Variants in MYBL2 observed in about 807,000 individuals in gnomAD.
MYBL2 encodes the protein MYB proto-oncogene like 2.
Under a neutral mutation model 79.9 loss-of-function variants are expected in MYBL2, and 28 were observed. The ratio of observed to expected loss-of-function variants is 0.35; its 90% CI spans 0.26 to 0.48. MYBL2 has a LOEUF of 0.48. Among genes scored for constraint, MYBL2 ranks in the 20% least tolerant of loss-of-function variants. The pLI, the probability that MYBL2 is intolerant of heterozygous loss-of-function variation, is 0.99. For synonymous variants in MYBL2, 378 were observed against 361.2 expected (o/e 1.05, Z -0.53); for missense variants, 735 against 893.9 (o/e 0.82, Z 2.27).
chr20:43,681,660 A>T (rs1987145470), intron 2 of MYBL2, 124 bp from the exon 3 acceptor site: 1 of 958,274 alleles, frequency 1.0e-6, no homozygotes, highest in Non-Finnish European at 1.7e-6. Context: ...GGCACCTTGT[A>T]CGTATTCACT....
At chr20:43,709,923 C>T (rs1344628260) in intron 9 of MYBL2, 40 bp from the exon 10 acceptor site, 2 of 1,528,778 alleles carry the variant, frequency 1.3e-6, no homozygotes, top group South Asian at 2.4e-5. Flanking sequence ...GGCGTCGGCC[C>T]CTATCCTGTC....
At chr20:43,713,901 T>A (rs1017090580) in intron 12 of MYBL2, among the ~76,000 whole-genome samples, 3 of 152,160 alleles carry the variant, frequency 2.0e-5, no homozygotes, top group Non-Finnish European at 4.4e-5. Flanking sequence ...TGGCTTGCCC[T>A]GGCTCAGAGT....
At chr20:43,683,396 G>T (rs1429568974) in intron 4 of MYBL2, among the ~76,000 whole-genome samples, 1 of 152,062 alleles carries the variant, frequency 6.6e-6, no homozygotes, top group African/African-American at 2.4e-5. Flanking sequence ...AGAGGTTGGG[G>T]ATGTCCCCAA....
In MYBL2 at chr20:43,705,591, C is replaced by G. The variant is rs543188211; in HGVS notation, c.1505+233C>G. Among the ~76,000 whole-genome samples, 3 of 152,270 alleles carry G rather than the reference C, an allele frequency of 2.0e-5. No homozygotes were observed. In the South Asian group the frequency reaches 6.2e-4, roughly 32 times the overall value. ...TTGTATTTTTTAATTTGATAGTTTCCTTTTTTGTGATCCTCCTGCCTCAGC... is the reference window on the plus strand; with the variant it reads ...TTGTATTTTTTAATTTGATAGTTTCGTTTTTTGTGATCCTCCTGCCTCAGC... On this transcript the variant is annotated intron_variant, in intron 9 of 13. Transcript: ENST00000217026.
Position 43,667,298 on chromosome 20 carries a change from G to A in MYBL2, c.15G>A (p.Thr5=), listed in dbSNP as rs1170906781. MSRR[T]RCEDLDELHY... ...GGGCCGGGGGGATGTCTCGGCGGAC[G>A]CGCTGGTGAGACGAGCCGGGAGGGC... Residue 5 remains threonine (T), a synonymous_variant, in exon 1 of 14, where the codon ACG becomes ACA. Coordinates refer to ENST00000217026, the MANE Select transcript of MYBL2 (RefSeq NM_002466.4). 6.5e-6 allele frequency: 8 copies of A among 1,228,926 alleles called. No homozygotes were observed. Among genetic ancestry groups the A allele is most frequent in the Non-Finnish European group, 4.1e-6 (4 of 985,390 alleles). 76.1% of individuals were successfully genotyped at this position (1,228,926 alleles called of 1,614,324 possible).
chr20:43,715,807 C>A, intron 13 of MYBL2, 152 bp from the exon 14 acceptor site: 1 of 1,140,886 alleles, frequency 8.8e-7, no homozygotes, highest in Non-Finnish European at 1.2e-6. Flanking sequence ...GTGACTTGTC[C>A]AGGGTCACAG....
In MYBL2 at chr20:43,702,480, C is replaced by G; in HGVS notation, c.952-10C>G. 1 of 1,586,296 alleles carries G rather than the reference C, an allele frequency of 6.3e-7. No individual in the cohort carries two copies. The highest frequency in any genetic ancestry group is 8.6e-7 in the Non-Finnish European group (1 of 1,160,150). Reference sequence around the variant, plus strand: ...AGTAATTGCAATTCCTAACCTCCCTCCCTGGACAGGACCCTGATGCTTGGT... The same window carrying G: ...AGTAATTGCAATTCCTAACCTCCCTGCCTGGACAGGACCCTGATGCTTGGT... On this transcript the variant is annotated splice_polypyrimidine_tract_variant and intron_variant, in intron 7 of 13. Coordinates refer to ENST00000217026, the MANE Select transcript of MYBL2 (RefSeq NM_002466.4).
chr20:43,712,889 C>G, intron 11 of MYBL2, 113 bp from the exon 12 acceptor site: 1 of 790,134 alleles, frequency 1.3e-6, no homozygotes, highest in Admixed American at 2.2e-5. Flanking sequence ...TGCTCCAAGT[C>G]TGCACTGCAG....
At chr20:43,710,992 C>T (rs1045131661) in intron 10 of MYBL2, among the ~76,000 whole-genome samples, 2 of 152,164 alleles carry the variant, frequency 1.3e-5, no homozygotes, top group African/African-American at 4.8e-5. Context: ...GCACCTTTCA[C>T]TCTTAGTAGC....
intron 10 of MYBL2, among the ~76,000 whole-genome samples, 199 bp downstream of exon 10, chr20:43,710,261 G>C (rs1987876185): frequency 6.6e-6 from 1 of 152,216 alleles, no homozygotes; most frequent in South Asian, 2.1e-4. Flanking sequence ...CTGAGCACCT[G>C]AGTTTGCAAG....
intron 11 of MYBL2, 89 bp downstream of exon 11, chr20:43,711,690 A>G: frequency 8.3e-7 from 1 of 1,206,004 alleles, no homozygotes; most frequent in Non-Finnish European, 1.2e-6. Flanking sequence ...GTAGAAAGTG[A>G]GGCGCTGGGG....
chr20:43,667,778 T>A (rs576407627), intron 1 of MYBL2, among the ~76,000 whole-genome samples: 1 of 152,252 alleles, frequency 6.6e-6, no homozygotes, highest in East Asian at 1.9e-4. Context: ...GCTTTGCTCC[T>A]TAACATTCCG....
chr20:43,711,852 A>C (rs563178884), intron 11 of MYBL2, among the ~76,000 whole-genome samples: 3 of 152,122 alleles, frequency 2.0e-5, no homozygotes, highest in African/African-American at 7.2e-5. Context: ...ACCCTGCTCA[A>C]GTTGGGCTGG....
Position 43,687,073 on chromosome 20 carries a change from G to A in MYBL2, c.500+1G>A. On this transcript the variant is annotated splice_donor_variant, in intron 5 of 13. Coordinates refer to ENST00000217026, the MANE Select transcript of MYBL2 (RefSeq NM_002466.4). LOFTEE classifies it high-confidence loss of function. Reference sequence around the variant, plus strand: ...AGATCGCCAAGATGTTGCCAGGGAGGTAAGCTGTCTTCTTGGGGGTTGGGA... The same window carrying A: ...AGATCGCCAAGATGTTGCCAGGGAGATAAGCTGTCTTCTTGGGGGTTGGGA... 6.2e-7 allele frequency: 1 copy of A among 1,612,008 alleles called. No homozygotes were observed. The highest frequency in any genetic ancestry group is 8.5e-7 in the Non-Finnish European group (1 of 1,179,572).
intron 3 of MYBL2, 40 bp downstream of exon 3, chr20:43,681,895 G>C (rs757934990): frequency 6.2e-7 from 1 of 1,602,024 alleles, no homozygotes; most frequent in South Asian, 1.1e-5. Context: ...CGGGGCAAGG[G>C]CTCTGGGAGA....
intron 1 of MYBL2, among the ~76,000 whole-genome samples, chr20:43,669,960 C>T (rs907517930): frequency 7.9e-5 from 12 of 152,136 alleles, no homozygotes; most frequent in Non-Finnish European, 1.6e-4. Flanking sequence ...AAAAATTAGC[C>T]GGGCGTGGTG....
At chr20:43,678,441 T>A (rs892520100) in intron 2 of MYBL2, among the ~76,000 whole-genome samples, 1 of 152,128 alleles carries the variant, frequency 6.6e-6, no homozygotes, top group African/African-American at 2.4e-5. Context: ...CCAGGTTAGC[T>A]TGGTTTTTGG....
intron 2 of MYBL2, among the ~76,000 whole-genome samples, chr20:43,680,350 T>A (rs559669759): frequency 7.1e-4 from 108 of 152,328 alleles, no homozygotes; most frequent in African/African-American, 2.5e-3. Flanking sequence ...TTTTAGATGC[T>A]TCCTGTGAGT....
In MYBL2 at chr20:43,686,982, G is replaced by C; in HGVS notation, c.410G>C (p.Cys137Ser). 6.2e-7 allele frequency: 1 copy of C among 1,614,168 alleles called. No homozygotes were observed. ...CTCAACCCTGAGGTGAAGAAGTCTT[G>C]CTGGACCGAGGAGGAGGACCGCATC... ...NHLNPEVKKS[C>S]WTEEEDRIIC... Residue 137 changes from cysteine (C) to serine (S), a missense_variant, in exon 5 of 14, where the codon TGC becomes TCC. Physicochemically the swap from Cys to Ser is moderately radical, Grantham distance 112. Around this residue, in one of 5 missense-constraint regions of MYBL2, gnomAD observed 65 missense variants for 145.2 expected, o/e 0.45. Transcript: ENST00000217026.
Sources: gnomAD v4.1 joint callset for allele counts (sites outside exome capture counted in the v4.1 genomes callset) on GRCh38, gnomAD v4.1.1 for gene constraint, gnomAD v4.1.1 regional missense constraint, MANE v1.5 for transcripts, NCBI Gene and HGNC (gene_info 2026-07-23, HGNC 2026-07-21) for gene names.